Variants in NFIC observed in about 807,000 individuals in gnomAD.
The protein encoded by NFIC is nuclear factor 1 C-type.
In NFIC, 12 loss-of-function variants were observed where a neutral mutation model predicts 54.4. The ratio of observed to expected loss-of-function variants is 0.22; its 90% CI spans 0.14 to 0.36. The LOEUF is 0.36. Ranked by LOEUF, NFIC falls within the 10% of genes least tolerant of loss-of-function variation. The pLI is 1.00. For synonymous variants in NFIC, 322 were observed against 319.2 expected (o/e 1.01, Z -0.09); for missense variants, 575 against 718.2 (o/e 0.80, Z 2.28).
intron 2 of NFIC, among the ~76,000 whole-genome samples, chr19:3,410,278 C>G (rs746333656): frequency 1.3e-5 from 2 of 152,170 alleles, no homozygotes; most frequent in Non-Finnish European, 2.9e-5. Context: ...CTTTCCAGAA[C>G]CAGAGCCTCT....
intron 1 of NFIC, among the ~76,000 whole-genome samples, chr19:3,372,007 CTCTCT>C: frequency 1.2e-5 from 1 of 86,746 alleles, no homozygotes; most frequent in South Asian, 4.3e-4. Flanking sequence ...CCCTCTCTCT[CTCTCT>C]CTCTCTCTCT....
rs1344410031 is a variant in NFIC at position 3,370,910 on chromosome 19, C to T, written c.30+4244C>T. Reference sequence around the variant, plus strand: ...CCATCTGCCCTGAGCACACAGCGTGCGGGCACCCAAGTCCTGACCAGTTCA... The same window carrying T: ...CCATCTGCCCTGAGCACACAGCGTGTGGGCACCCAAGTCCTGACCAGTTCA... On this transcript the variant is annotated intron_variant, in intron 1 of 10. Coordinates refer to ENST00000443272, the MANE Select transcript of NFIC (RefSeq NM_001245002.2). This position sits in a 1 kb window ranked among gnomAD's most constrained non-coding sequence, Gnocchi z 5.2. Among the ~76,000 whole-genome samples, 3 of 152,210 alleles carry T rather than the reference C, an allele frequency of 2.0e-5. No individual in the cohort carries two copies. The highest frequency in any genetic ancestry group is 6.5e-5 in the Admixed American group (1 of 15,280).
At chr19:3,430,820 T>TGAG (rs1355507884) in intron 3 of NFIC, among the ~76,000 whole-genome samples, 3 of 151,118 alleles carry the variant, frequency 2.0e-5, no homozygotes, top group African/African-American at 7.3e-5. Flanking sequence ...TAATCCCAGC[T>TGAG]ACTTGGGAGG....
chr19:3,462,883 T>TG lies in NFIC; in HGVS notation c.*115dup. ...AAATTAGAGTGAACAAGAACACCCC[T>TG]GCCGACTCCCAGCCCGGCCAAAAAG... On this transcript the variant is annotated 3_prime_UTR_variant, in exon 11 of 11. Transcript: ENST00000443272. 6.3e-7 allele frequency: 1 copy of TG among 1,585,676 alleles called. No individual in the cohort carries two copies. Among genetic ancestry groups the TG allele is most frequent in the South Asian group, 1.1e-5 (1 of 88,712 alleles).
chr19:3,360,869 C>G (rs1050785534), intron 1 of NFIC, among the ~76,000 whole-genome samples: 1 of 152,146 alleles, frequency 6.6e-6, no homozygotes, highest in African/African-American at 2.4e-5. Flanking sequence ...GAGTGGAGAA[C>G]TGTCGAGTGG....
chr19:3,427,052 G>C (rs183139411), intron 3 of NFIC, among the ~76,000 whole-genome samples: 7 of 150,148 alleles, frequency 4.7e-5, no homozygotes, highest in Admixed American at 3.4e-4. Flanking sequence ...TCAGCCTCCC[G>C]AGTAGCTGGG....
chr19:3,411,974 GC>G (rs2081770580), intron 2 of NFIC, among the ~76,000 whole-genome samples: 1 of 152,234 alleles, frequency 6.6e-6, no homozygotes, highest in Admixed American at 6.5e-5. Flanking sequence ...GCAGAAAGCA[GC>G]ACATTTCAGA....
intron 2 of NFIC, among the ~76,000 whole-genome samples, chr19:3,386,314 C>CT (rs35622819): frequency 0.021 from 1,485 of 69,116 alleles, 161 homozygotes; most frequent in African/African-American, 0.053. Context: ...TGCTGTATGC[C>CT]TTTTTTTTTT....
chr19:3,402,594 A>G (rs1401556807), intron 2 of NFIC, among the ~76,000 whole-genome samples: 1 of 152,216 alleles, frequency 6.6e-6, no homozygotes, highest in Non-Finnish European at 1.5e-5. Flanking sequence ...GCAGTCACTA[A>G]GCAACTAAGC....
upstream of NFIC, among the ~76,000 whole-genome samples, chr19:3,365,989 A>T (rs557694861): frequency 6.6e-5 from 10 of 151,992 alleles, no homozygotes; most frequent in Non-Finnish European, 1.3e-4. Flanking sequence ...CTTTAAGGGG[A>T]AAGAGGCGCG....
intron 2 of NFIC, among the ~76,000 whole-genome samples, chr19:3,388,658 C>CT (rs138142169): frequency 1.3e-5 from 2 of 151,214 alleles, no homozygotes; most frequent in Non-Finnish European, 2.9e-5. Context: ...CCATGCCCCC[C>CT]CCCAACAAAA....
chr19:3,399,277 A>G lies in NFIC; in HGVS notation c.562+17034A>G, dbSNP rs533939048. 5.5e-4 allele frequency among the ~76,000 whole-genome samples: 84 copies of G among 152,332 alleles called. 4 individuals are homozygous for G. The South Asian group carries it at 0.017, about 30-fold the overall frequency. ...TGCTGAGGGAGAGTCAATAAGACATATTAAGAGTTTACATGCCCGCCAGGC... is the reference window on the plus strand; with the variant it reads ...TGCTGAGGGAGAGTCAATAAGACATGTTAAGAGTTTACATGCCCGCCAGGC... On this transcript the variant is annotated intron_variant, in intron 2 of 10. Transcript: ENST00000443272.
chr19:3,438,896 C>T (rs1412372798), intron 6 of NFIC, among the ~76,000 whole-genome samples: 1 of 152,006 alleles, frequency 6.6e-6, no homozygotes, highest in African/African-American at 2.4e-5. Context: ...GACTACAGCC[C>T]AGAGGAGGAG....
At position 3,458,741 on chromosome 19, in the gene NFIC, G is replaced by A. The variant is rs62130568; in HGVS notation, c.1509+2106G>A. On this transcript the variant is annotated intron_variant, in intron 10 of 10. Transcript: ENST00000443272. This position sits in a 1 kb window ranked among gnomAD's most constrained non-coding sequence, Gnocchi z 4.1. The stretch of plus-strand genomic sequence containing the variant: ...GTGGCAGGGGCCAGACAGATGATGC[G>A]GGCTTTGCTCTGGGGTAGTGGGGAG... 0.028 allele frequency among the ~76,000 whole-genome samples: 4,305 copies of A among 152,224 alleles called. 97 individuals are homozygous for A. Among genetic ancestry groups the A allele is most frequent in the Non-Finnish European group, 0.046 (3,096 of 67,978 alleles).
intron 2 of NFIC, 30 bp downstream of exon 2, chr19:3,382,273 C>T (rs2081223691): frequency 6.3e-7 from 1 of 1,584,772 alleles, no homozygotes; most frequent in African/African-American, 1.3e-5. Flanking sequence ...GCGGAGCGGC[C>T]AGCGGGGAGG....
chr19:3,460,268 G>A (rs950153250), intron 10 of NFIC, among the ~76,000 whole-genome samples: 1 of 152,196 alleles, frequency 6.6e-6, no homozygotes, highest in African/African-American at 2.4e-5. Context: ...AGATGCCAAG[G>A]GGATTCCTGA....
rs1052666572 is a variant in NFIC, at chr19:3,425,032, C to A, written c.563-74C>A. The A allele has an allele frequency of 7.2e-6, 11 of 1,522,412 alleles. No individual in the cohort carries two copies. In the African/African-American group the frequency reaches 1.1e-4, roughly 15 times the overall value. The allele number at this position is 1,522,412 out of a possible 1,614,324, so 94.3% of individuals were successfully genotyped here. On this transcript the variant is annotated intron_variant, in intron 2 of 10. Transcript: ENST00000443272. Reference sequence around the variant, plus strand: ...TGGCCCAGCCCAGGACTGGGGCCACCAGCATCGACACTTCATCTGCTCCTG... The same window carrying A: ...TGGCCCAGCCCAGGACTGGGGCCACAAGCATCGACACTTCATCTGCTCCTG...
At chr19:3,424,673 G>A (rs1292595959) in intron 2 of NFIC, among the ~76,000 whole-genome samples, 2 of 152,168 alleles carry the variant, frequency 1.3e-5, no homozygotes, top group East Asian at 1.9e-4. Context: ...GTGAGCCACC[G>A]TGCCCGGCCT....
At chr19:3,456,788 C>G (rs1421888861) in intron 10 of NFIC, 153 bp downstream of exon 10, 2 of 739,082 alleles carry the variant, frequency 2.7e-6, no homozygotes, top group East Asian at 2.7e-5. Flanking sequence ...CTCGAGCCCC[C>G]ACCTGGCCTC....
Sources: allele counts gnomAD v4.1 joint callset (sites outside exome capture counted in the v4.1 genomes callset), GRCh38; gene constraint gnomAD v4.1.1; non-coding constraint Gnocchi (gnomAD v3.1); transcripts MANE v1.5; gene names NCBI Gene and HGNC (gene_info 2026-07-23, HGNC 2026-07-21).